CALN1: variants seen among roughly 807,000 people sequenced by gnomAD.
CALN1 encodes calcium-binding protein 8.
A neutral mutation model predicts 30.6 loss-of-function variants in CALN1; 17 were observed. The ratio of observed to expected loss-of-function variants is 0.56; its 90% CI spans 0.38 to 0.83. The LOEUF is 0.83. CALN1 is among the 40% of genes least tolerant of loss of function. CALN1 has a pLI of 0.00. For missense variants in CALN1, 291 were observed against 354.9 expected, an observed-to-expected ratio of 0.82 and a Z score of 1.45; for synonymous variants, 156 against 131.4, an observed-to-expected ratio of 1.19 and a Z score of -1.28.
intron 2 of CALN1, among the ~76,000 whole-genome samples, chr7:72,297,812 T>C (rs1219673812): frequency 1.3e-5 from 2 of 152,216 alleles, no homozygotes; most frequent in African/African-American, 2.4e-5. Context: ...TGCTGACATT[T>C]GGCTGGTGAA....
intron 3 of CALN1, among the ~76,000 whole-genome samples, chr7:72,161,879 C>T (rs1563110239): frequency 2.0e-5 from 3 of 151,812 alleles, no homozygotes; most frequent in Non-Finnish European, 2.9e-5. Context: ...ACGTAACAAA[C>T]CTGCATATCC....
chr7:72,220,296 G>C (rs551454670), intron 3 of CALN1, among the ~76,000 whole-genome samples: 29 of 149,786 alleles, frequency 1.9e-4, no homozygotes, highest in Non-Finnish European at 2.5e-4. Flanking sequence ...GTGGTGTTTG[G>C]TTTTTTGTCC....
intron 5 of CALN1, among the ~76,000 whole-genome samples, chr7:71,927,226 T>C (rs1795314826): frequency 6.9e-6 from 1 of 145,092 alleles, no homozygotes; most frequent in Admixed American, 6.9e-5. Flanking sequence ...ATGTGTTTTT[T>C]TGAGACAGAG....
intron 3 of CALN1, among the ~76,000 whole-genome samples, chr7:72,133,836 G>A (rs775728083): frequency 4.6e-5 from 7 of 152,040 alleles, no homozygotes; most frequent in African/African-American, 1.7e-4. Flanking sequence ...TAACTATGAA[G>A]GAACATCAGA....
At chr7:72,365,532 C>T (rs1346674612) in intron 2 of CALN1, among the ~76,000 whole-genome samples, 1 of 151,864 alleles carries the variant, frequency 6.6e-6, no homozygotes, top group Admixed American at 6.6e-5. Flanking sequence ...TGGGCCCAAG[C>T]GATCCTCCTA....
the CALN1 span, among the ~76,000 whole-genome samples, chr7:72,454,602 A>T: frequency 6.6e-6 from 1 of 152,222 alleles, no homozygotes; most frequent in Non-Finnish European, 1.5e-5. Context: ...AAGCCCAGAG[A>T]ACAAAACAGA....
chr7:72,396,258 G>GTAAGAAAGAA (rs1805941602), intron 2 of CALN1, among the ~76,000 whole-genome samples: 1 of 109,702 alleles, frequency 9.1e-6, no homozygotes, highest in Non-Finnish European at 1.8e-5. Flanking sequence ...AAAAAAAAAA[G>GTAAGAAAGAA]AAAGAAAAAG....
intron 3 of CALN1, among the ~76,000 whole-genome samples, chr7:72,262,337 C>T (rs2129552879): frequency 6.6e-6 from 1 of 152,286 alleles, no homozygotes; most frequent in South Asian, 2.1e-4. Flanking sequence ...CTTAGAGGAT[C>T]CTGGATCTTT....
chr7:72,498,776 C>T, the CALN1 span, among the ~76,000 whole-genome samples: 1 of 151,704 alleles, frequency 6.6e-6, no homozygotes, highest in African/African-American at 2.4e-5. Context: ...TTCTTTTTAT[C>T]ACAAATGCAA....
chr7:72,123,067 G>A (rs1048906354), intron 3 of CALN1, among the ~76,000 whole-genome samples: 10 of 152,068 alleles, frequency 6.6e-5, no homozygotes, highest in South Asian at 6.2e-4. Context: ...GCCAGGGAGC[G>A]GACTGGGGGT....
At chr7:72,029,195 C>T (rs1178038747) in intron 4 of CALN1, among the ~76,000 whole-genome samples, 2 of 151,900 alleles carry the variant, frequency 1.3e-5, no homozygotes, top group Non-Finnish European at 2.9e-5. Flanking sequence ...GGCACGATCT[C>T]AGCTCACTGC....
At position 71,780,447 on chromosome 7, in the gene CALN1, T is replaced by G. The variant is rs1170074057; in HGVS notation, c.*7328A>C. ...CTGGGGCAGAAGGGTTAGAGACTTG[T>G]GGATCCTGCAGCTGCTCTCTTCCTG... is the stretch of plus-strand genomic sequence containing the variant. On this transcript the variant is annotated 3_prime_UTR_variant, in exon 7 of 7. Transcript: ENST00000395275. The G allele has an allele frequency of 6.6e-6, 1 of 152,290 alleles. No individual in the cohort carries two copies. Among genetic ancestry groups the G allele is most frequent in the Non-Finnish European group, 1.5e-5 (1 of 68,162 alleles). The allele number at this position is 152,290 out of a possible 1,614,324, so 9.4% of individuals were successfully genotyped here.
chr7:72,210,700 C>T (rs1464074832), intron 3 of CALN1, among the ~76,000 whole-genome samples: 1 of 152,060 alleles, frequency 6.6e-6, no homozygotes, highest in African/African-American at 2.4e-5. Flanking sequence ...AAACCACCCC[C>T]ATGTTTCAAT....
intron 5 of CALN1, among the ~76,000 whole-genome samples, chr7:71,994,294 C>T (rs1799125580): frequency 6.6e-6 from 1 of 152,002 alleles, no homozygotes; most frequent in Non-Finnish European, 1.5e-5. Context: ...GGCGGATCAC[C>T]TGAGGTCAGG....
Position 72,078,976 on chromosome 7 carries a change from A to G in CALN1, c.388+27175T>C, listed in dbSNP as rs576119463. Among the ~76,000 whole-genome samples, 4 of 152,284 alleles carry G rather than the reference A, an allele frequency of 2.6e-5. No homozygotes were observed. In the South Asian group the frequency reaches 6.2e-4, roughly 24 times the overall value. ...ACAAAAAACAGCCAGGGAGACAAAG[A>G]TGAGAAAGGAAGCTGCCCGTCTGTA... On this transcript the variant is annotated intron_variant, in intron 4 of 6. Transcript: ENST00000395275.
At chr7:71,995,413 T>A (rs13231720) in intron 5 of CALN1, among the ~76,000 whole-genome samples, 30,151 of 152,242 alleles carry the variant, frequency 0.2, 3,704 homozygotes, top group Middle Eastern at 0.33. Context: ...TGCTTTTTGT[T>A]AAAAGGGAAA....
intron 2 of CALN1, among the ~76,000 whole-genome samples, chr7:72,284,754 CAG>C (rs1346374682): frequency 3.3e-5 from 5 of 152,092 alleles, no homozygotes. Flanking sequence ...GTGGAATTTT[CAG>C]AGTCTGTAAC....
upstream of CALN1, among the ~76,000 whole-genome samples, chr7:72,448,624 T>C (rs1005961803): frequency 2.6e-5 from 4 of 152,016 alleles, no homozygotes; most frequent in South Asian, 8.3e-4. Flanking sequence ...TTTTTTTTTT[T>C]TGACGGAGTC....
intron 2 of CALN1, among the ~76,000 whole-genome samples, chr7:72,314,207 T>C (rs1486910839): frequency 1.3e-5 from 2 of 152,152 alleles, no homozygotes; most frequent in African/African-American, 4.8e-5. Context: ...GACGGCAGAA[T>C]TCCAGCAGCT....
Sources: allele counts gnomAD v4.1 joint callset (sites outside exome capture counted in the v4.1 genomes callset), GRCh38; gene constraint gnomAD v4.1.1; transcripts MANE v1.5; gene names NCBI Gene and HGNC (gene_info 2026-07-23, HGNC 2026-07-21).